Variants in NCBP3 observed in about 807,000 individuals in gnomAD.
NCBP3 encodes the protein nuclear cap binding subunit 3, also known as nuclear cap-binding protein subunit 3.
A neutral mutation model predicts 75.7 loss-of-function variants in NCBP3; 20 were observed. That is an observed-to-expected ratio of 0.26 (90% CI 0.19 to 0.38). The LOEUF is 0.38. Among genes scored for constraint, NCBP3 ranks in the 10% least tolerant of loss-of-function variants. The pLI, the probability that NCBP3 is intolerant of heterozygous loss-of-function variation, is 1.00. For missense variants in NCBP3, 678 were observed against 796.9 expected, an observed-to-expected ratio of 0.85 and a Z score of 1.80; for synonymous variants, 293 against 290.5, an observed-to-expected ratio of 1.01 and a Z score of -0.09.
At position 3,821,320 on chromosome 17, in the gene NCBP3, C is replaced by T. The variant is rs200384098; in HGVS notation, c.929G>A (p.Arg310Gln). 14 of 1,614,068 alleles carry T rather than the reference C, an allele frequency of 8.7e-6. No homozygotes were observed. Among genetic ancestry groups the T allele is most frequent in the East Asian group, 2.2e-5 (1 of 44,886 alleles). The change falls in exon 9 of 13, where the codon CGG (arginine) becomes CAG (glutamine). Residue 310 changes from arginine (R) to glutamine (Q), a missense_variant. By Grantham distance (43) the Arg-to-Gln change is conservative. Coordinates refer to ENST00000389005, the MANE Select transcript of NCBP3 (RefSeq NM_001114118.3). ...CAGGGCTCTCTTCTTGATCACGTCC[C>T]GCTGAATACGACGGGAATGATATCT... ...KRRYHSRRIQ[R>Q]DVIKKRALIG... is the part of the protein sequence containing the mutation.
chr17:3,829,228 C>G lies in NCBP3; in HGVS notation c.481+15G>C. The G allele has an allele frequency of 6.4e-7, 1 of 1,550,720 alleles. No homozygotes were observed. ...TCAACAAAAGCATATTCACAGGAAA[C>G]TCGGGTGTACTTACAGGAGGTATCA... On this transcript the variant is annotated intron_variant, in intron 4 of 12. Transcript: ENST00000389005.
chr17:3,833,859 T>C (rs2053929566), intron 3 of NCBP3, among the ~76,000 whole-genome samples: 1 of 152,144 alleles, frequency 6.6e-6, no homozygotes, highest in East Asian at 1.9e-4. Context: ...GATCAATAAG[T>C]CTCCCTAATG....
chr17:3,826,169 G>C lies in NCBP3; in HGVS notation c.528C>G (p.Ile176Met). The change falls in exon 5 of 13, where the codon ATC becomes ATG. Residue 176 changes from isoleucine to methionine, a missense_variant. By Grantham distance (10) the Ile-to-Met change is conservative (BLOSUM62 1). This residue lies in a region of NCBP3 where 98 missense variants were observed against 101.8 expected (regional missense o/e 0.96). Transcript: ENST00000389005. Reference protein sequence around the residue: ...LDEMTATRALINMSSLPAQDK... With the variant: ...LDEMTATRALMNMSSLPAQDK... ...CCTGTGCAGGCAGGGAGCTCATATT[G>C]ATAAGTGCTCGTGTGGCTGTCATTT... 6.4e-7 allele frequency: 1 copy of C among 1,551,452 alleles called. No homozygotes were observed. The highest frequency in any genetic ancestry group is 8.7e-7 in the Non-Finnish European group (1 of 1,146,848).
chr17:3,813,199 C>A lies in NCBP3; in HGVS notation c.1708G>T (p.Ala570Ser), dbSNP rs754596030. 3.1e-6 allele frequency: 5 copies of A among 1,614,144 alleles called. No individual in the cohort carries two copies. The highest frequency in any genetic ancestry group is 2.2e-5 in the South Asian group (2 of 91,096). Residue 570 changes from alanine to serine, a missense_variant, in exon 13 of 13, where the codon GCT (alanine) becomes TCT (serine). Ala to Ser is a moderately conservative substitution (Grantham distance 99). Around this residue, in one of 7 missense-constraint regions of NCBP3, gnomAD observed 365 missense variants for 392.7 expected, o/e 0.93. Coordinates refer to ENST00000389005, the MANE Select transcript of NCBP3 (RefSeq NM_001114118.3). ...TKKVDHRAPG[A>S]EEDDSELQRA... ...TGCAGCTCAGAGTCGTCTTCCTCAG[C>A]GCCAGGCGCCCTGTGATCCACTTTC...
In NCBP3 at chr17:3,812,829, G is replaced by A. The variant is rs2053444436; in HGVS notation, c.*215C>T. The A allele has an allele frequency of 1.5e-5, 21 of 1,387,256 alleles. No homozygotes were observed. The highest frequency in any genetic ancestry group is 2.0e-5 in the Non-Finnish European group (21 of 1,070,530). 85.9% of individuals were successfully genotyped at this position (1,387,256 alleles called of 1,614,324 possible). A position where few individuals can be genotyped will look rare whatever the true frequency, so the allele number is the denominator to read the frequency against. ...CCTGTGGGGTGGTGGGAAAGGAATC[G>A]AGGGCCCAGAACTACAACTCTGCAG... is the stretch of plus-strand genomic sequence containing the variant. On this transcript the variant is annotated 3_prime_UTR_variant, in exon 13 of 13. Transcript: ENST00000389005.
intron 12 of NCBP3, among the ~76,000 whole-genome samples, chr17:3,813,713 A>G (rs2053469608): frequency 6.6e-6 from 1 of 152,228 alleles, no homozygotes; most frequent in Non-Finnish European, 1.5e-5. Context: ...AGAATTTTGT[A>G]GACGGCCACA....
At chr17:3,844,214 G>A (rs1402115563) in intron 1 of NCBP3, among the ~76,000 whole-genome samples, 1 of 152,126 alleles carries the variant, frequency 6.6e-6, no homozygotes, top group Non-Finnish European at 1.5e-5. Context: ...GATGGGATTT[G>A]GAAACCAAGC....
At chr17:3,843,229 C>A in intron 1 of NCBP3, 78 bp from the exon 2 acceptor site, 1 of 1,116,024 alleles carries the variant, frequency 9.0e-7, no homozygotes, top group Admixed American at 2.6e-5. Flanking sequence ...CTGACATCTG[C>A]AGGTTCTTTT....
At chr17:3,825,326 C>T (rs2053764680) in intron 6 of NCBP3, among the ~76,000 whole-genome samples, 1 of 152,190 alleles carries the variant, frequency 6.6e-6, no homozygotes. Context: ...CTGCACTCCC[C>T]ACTAGAATGC....
chr17:3,843,164 G>C lies in NCBP3; in HGVS notation c.184-13C>G. Reference sequence around the variant, plus strand: ...TTCTGCTCGTGTCCTAACACAAAGGGGAAGGGTGAGAAATTCAGACAGCAA... The same window carrying C: ...TTCTGCTCGTGTCCTAACACAAAGGCGAAGGGTGAGAAATTCAGACAGCAA... On this transcript the variant is annotated splice_polypyrimidine_tract_variant and intron_variant, in intron 1 of 12. Coordinates refer to ENST00000389005, the MANE Select transcript of NCBP3 (RefSeq NM_001114118.3). The C allele has an allele frequency of 6.4e-7, 1 of 1,550,546 alleles. No homozygotes were observed. Among genetic ancestry groups the C allele is most frequent in the Non-Finnish European group, 8.7e-7 (1 of 1,146,178 alleles).
chr17:3,833,700 T>C (rs1375306604), intron 3 of NCBP3, among the ~76,000 whole-genome samples: 1 of 152,098 alleles, frequency 6.6e-6, no homozygotes, highest in Non-Finnish European at 1.5e-5. Flanking sequence ...CTCTTTCCTG[T>C]TTGCTTTTAA....
chr17:3,843,243 C>CTTTTTTT (rs5818919), intron 1 of NCBP3, 92 bp from the exon 2 acceptor site: 3 of 694,604 alleles, frequency 4.3e-6, no homozygotes, highest in Non-Finnish European at 2.3e-6. Context: ...TTCTTTTTTC[C>CTTTTTTT]TTTTTTTTTT....
chr17:3,819,505 A>G (rs1225201160), intron 9 of NCBP3, among the ~76,000 whole-genome samples: 2 of 151,876 alleles, frequency 1.3e-5, no homozygotes, highest in Non-Finnish European at 2.9e-5. Context: ...GGTTGCAGTG[A>G]GCCGAGATCG....
At chr17:3,843,835 C>T (rs2054109760) in intron 1 of NCBP3, among the ~76,000 whole-genome samples, 1 of 152,210 alleles carries the variant, frequency 6.6e-6, no homozygotes, top group Non-Finnish European at 1.5e-5. Context: ...TGAGCCACCA[C>T]ACCTGGCAAG....
At chr17:3,835,837 T>C (rs146998051) in intron 3 of NCBP3, among the ~76,000 whole-genome samples, 1 of 152,354 alleles carries the variant, frequency 6.6e-6, no homozygotes, top group East Asian at 1.9e-4. Flanking sequence ...CGAGTCACTC[T>C]TGATGCAGGA....
intron 3 of NCBP3, among the ~76,000 whole-genome samples, chr17:3,833,895 C>G (rs1412880359): frequency 6.6e-6 from 1 of 152,098 alleles, no homozygotes; most frequent in Non-Finnish European, 1.5e-5. Context: ...TCAGTCTGTT[C>G]CCTCTACTAT....
rs564926820 is a variant in NCBP3 at position 3,832,426 on chromosome 17, C to T, written c.356-3058G>A. On this transcript the variant is annotated intron_variant, in intron 3 of 12. Coordinates refer to ENST00000389005, the MANE Select transcript of NCBP3 (RefSeq NM_001114118.3). ...GGGCGGGCAGATCACAAGGTCAGAT[C>T]GAGACCATCCTGGCCAACACGGTGA... 5.3e-4 allele frequency among the ~76,000 whole-genome samples: 62 copies of T among 117,594 alleles called. 21 individuals carry two copies. In the South Asian group the frequency reaches 9.4e-3, roughly 18 times the overall value. The allele number at this position is 117,594 out of a possible 152,430, so 77.1% of individuals were successfully genotyped here. A position where few individuals can be genotyped will look rare whatever the true frequency, so the allele number is the denominator to read the frequency against.
Position 3,812,673 on chromosome 17 carries a change from T to C in NCBP3, c.*371A>G, listed in dbSNP as rs1175894333. Reference sequence around the variant, plus strand: ...GTAACAGCTGTCAGGGCCAAGGCAATAGTGAGAAGTTCAGTTCTCTGCTCT... The same window carrying C: ...GTAACAGCTGTCAGGGCCAAGGCAACAGTGAGAAGTTCAGTTCTCTGCTCT... On this transcript the variant is annotated 3_prime_UTR_variant, in exon 13 of 13. Coordinates refer to ENST00000389005, the MANE Select transcript of NCBP3 (RefSeq NM_001114118.3). 11 of 1,044,136 alleles carry C rather than the reference T, an allele frequency of 1.1e-5. No homozygotes were observed. Among genetic ancestry groups the C allele is most frequent in the Non-Finnish European group, 1.3e-5 (11 of 865,356 alleles). 64.7% of individuals were successfully genotyped at this position (1,044,136 alleles called of 1,614,324 possible).
chr17:3,829,061 C>T (rs1374887401), intron 4 of NCBP3, among the ~76,000 whole-genome samples, 182 bp downstream of exon 4: 1 of 152,146 alleles, frequency 6.6e-6, no homozygotes, highest in Non-Finnish European at 1.5e-5. Flanking sequence ...GGGGTATGAG[C>T]TGGCAGACTG....
Sources: gnomAD v4.1 joint callset for allele counts (sites outside exome capture counted in the v4.1 genomes callset) on GRCh38, gnomAD v4.1.1 for gene constraint, gnomAD v4.1.1 regional missense constraint, MANE v1.5 for transcripts, NCBI Gene and HGNC (gene_info 2026-07-23, HGNC 2026-07-21) for gene names.